The following FARS2 variants were observed in gnomAD, a reference collection of about 807,000 sequenced individuals.
FARS2 encodes phenylalanine--tRNA ligase, mitochondrial.
Under a neutral mutation model 46.4 loss-of-function variants are expected in FARS2, and 40 were observed. The ratio of observed to expected loss-of-function variants is 0.86; its 90% confidence interval spans 0.67 to 1.12. The LOEUF is 1.12. FARS2 is among the 50% of genes most tolerant of loss of function. The pLI is 0.00. For missense variants in FARS2, 513 were observed against 567.9 expected (o/e 0.90, Z 0.98); for synonymous variants, 234 against 214.9 (o/e 1.09, Z -0.78).
chr6:5,319,149 A>C (rs961856048), intron 1 of FARS2, among the ~76,000 whole-genome samples: 9 of 152,024 alleles, frequency 5.9e-5, no homozygotes, highest in African/African-American at 1.7e-4. Flanking sequence ...ATCAGGTGAT[A>C]GTCAGGAAGT....
chr6:5,697,479 G>A (rs919677863), intron 6 of FARS2, among the ~76,000 whole-genome samples: 2 of 152,074 alleles, frequency 1.3e-5, no homozygotes, highest in African/African-American at 2.4e-5. Flanking sequence ...ATTTTACAAA[G>A]AAAAAATTGG....
At chr6:5,478,382 G>A (rs1335395464) in intron 4 of FARS2, among the ~76,000 whole-genome samples, 1 of 152,098 alleles carries the variant, frequency 6.6e-6, no homozygotes, top group Admixed American at 6.5e-5. Flanking sequence ...CTTACTATCT[G>A]ATCTCATCCT....
At chr6:5,668,037 C>T (rs1320949811) in intron 6 of FARS2, 10 of 152,202 alleles carry the variant, frequency 6.6e-5, no homozygotes, top group African/African-American at 2.4e-4. Flanking sequence ...TAATACCCAC[C>T]GTCAGAGAGG....
intron 6 of FARS2, among the ~76,000 whole-genome samples, chr6:5,695,974 C>G (rs570205288): frequency 2.0e-5 from 3 of 152,282 alleles, no homozygotes; most frequent in African/African-American, 7.2e-5. Context: ...GATGCTCAGC[C>G]TCACTCATGA....
chr6:5,379,973 T>G (rs1386496753), intron 2 of FARS2, among the ~76,000 whole-genome samples: 1 of 152,256 alleles, frequency 6.6e-6, no homozygotes, highest in Non-Finnish European at 1.5e-5. Context: ...CAGAGTCAGC[T>G]TGCTCCCTTT....
intron 6 of FARS2, among the ~76,000 whole-genome samples, chr6:5,682,795 G>A (rs913224682): frequency 6.6e-6 from 1 of 152,252 alleles, no homozygotes; most frequent in African/African-American, 2.4e-5. Flanking sequence ...TTCATCTGCA[G>A]TGTGATTTCA....
intron 4 of FARS2, among the ~76,000 whole-genome samples, chr6:5,489,911 G>T (rs1361023891): frequency 1.3e-5 from 2 of 152,088 alleles, no homozygotes; most frequent in East Asian, 3.9e-4. Flanking sequence ...TTTTATTACG[G>T]TATTATTTAC....
intron 5 of FARS2, among the ~76,000 whole-genome samples, chr6:5,588,336 A>G (rs538304238): frequency 2.0e-5 from 3 of 152,280 alleles, no homozygotes; most frequent in South Asian, 2.1e-4. Context: ...CCCAAGGCCA[A>G]TCTGCCTTGA....
rs79003218 is a variant in FARS2 at position 5,555,543 on chromosome 6, C to T, written c.1065+10203C>T. ...CCTTGGCTTGGAATAGCTTCTAGAT[C>T]TGGTTTTGCTGTCATTATCATAAAT... is the stretch of plus-strand genomic sequence containing the variant. On this transcript the variant is annotated intron_variant, in intron 5 of 6. Coordinates refer to ENST00000274680, the MANE Select transcript of FARS2 (RefSeq NM_006567.5). Among the ~76,000 whole-genome samples, 1,322 of 152,204 alleles carry T rather than the reference C, an allele frequency of 8.7e-3. 29 individuals are homozygous for T. The highest frequency in any genetic ancestry group is 0.03 in the African/African-American group (1,255 of 41,486).
At chr6:5,578,180 G>T (rs1285100036) in intron 5 of FARS2, among the ~76,000 whole-genome samples, 7 of 152,118 alleles carry the variant, frequency 4.6e-5, no homozygotes, top group Non-Finnish European at 8.8e-5. Context: ...ATGAATAATG[G>T]TTAAGCCCTC....
chr6:5,683,925 C>G (rs1041987319), intron 6 of FARS2, among the ~76,000 whole-genome samples: 1 of 152,204 alleles, frequency 6.6e-6, no homozygotes, highest in Non-Finnish European at 1.5e-5. Context: ...CCAGCTTCAT[C>G]TGTGTTGCTG....
chr6:5,451,168 A>C (rs1160429916), intron 4 of FARS2, among the ~76,000 whole-genome samples: 1 of 151,962 alleles, frequency 6.6e-6, no homozygotes, highest in Non-Finnish European at 1.5e-5. Flanking sequence ...AAAGTCCTAT[A>C]TTTTCATCTT....
intron 1 of FARS2, among the ~76,000 whole-genome samples, chr6:5,361,066 G>A (rs1581881632): frequency 6.6e-6 from 1 of 152,264 alleles, no homozygotes; most frequent in East Asian, 1.9e-4. Flanking sequence ...TAGAAAATAA[G>A]CACCAGGGAT....
intron 6 of FARS2, among the ~76,000 whole-genome samples, chr6:5,643,146 C>A (rs939247417): frequency 2.6e-5 from 4 of 152,178 alleles, no homozygotes; most frequent in African/African-American, 7.2e-5. Flanking sequence ...AAAAAAATTC[C>A]TGTCTCCCTT....
At chr6:5,717,927 T>G (rs1418283206) in intron 6 of FARS2, among the ~76,000 whole-genome samples, 8,423 of 73,996 alleles carry the variant, frequency 0.11, 469 homozygotes, top group Non-Finnish European at 0.13. Context: ...TATATATATA[T>G]ATATATATAC....
intron 4 of FARS2, among the ~76,000 whole-genome samples, chr6:5,445,626 G>A (rs981808727): frequency 6.6e-6 from 1 of 152,202 alleles, no homozygotes; most frequent in Non-Finnish European, 1.5e-5. Flanking sequence ...AGTCACCTAA[G>A]TATGGCAAAT....
At chr6:5,629,993 A>T (rs1234585625) in intron 6 of FARS2, among the ~76,000 whole-genome samples, 1 of 152,076 alleles carries the variant, frequency 6.6e-6, no homozygotes, top group Non-Finnish European at 1.5e-5. Context: ...TGATTTAGTG[A>T]CTTTTGGACT....
At chr6:5,366,411 A>T (rs1758681664) in intron 1 of FARS2, among the ~76,000 whole-genome samples, 1 of 152,172 alleles carries the variant, frequency 6.6e-6, no homozygotes, top group Non-Finnish European at 1.5e-5. Context: ...CACTTCTCAG[A>T]TAGAAGTGGG....
At position 5,353,735 on chromosome 6, in the gene FARS2, T is replaced by TG. The variant is rs563342141; in HGVS notation, c.-21-14815_-21-14814insG. ...AATTGTAATATTTGGTGTTTTTTTT[T>TG]TTTTTTTTTTTTTGCTATTGAGTTG... On this transcript the variant is annotated intron_variant, in intron 1 of 6. Coordinates refer to ENST00000274680, the MANE Select transcript of FARS2 (RefSeq NM_006567.5). Among the ~76,000 whole-genome samples the TG allele has an allele frequency of 4.6e-4, 67 of 145,322 alleles. 1 individual carries two copies. The South Asian group carries it at 1.0e-2, about 22-fold the overall frequency.
Sources: gnomAD v4.1 joint callset for allele counts (sites outside exome capture counted in the v4.1 genomes callset) on GRCh38, gnomAD v4.1.1 for gene constraint, MANE v1.5 for transcripts, NCBI Gene and HGNC (gene_info 2026-07-23, HGNC 2026-07-21) for gene names.